The following GLIS3 variants were observed in gnomAD, a reference collection of about 807,000 sequenced individuals.
GLIS3 encodes the protein GLIS family zinc finger 3.
In GLIS3, 53 loss-of-function variants were observed where a neutral mutation model predicts 78.6. The ratio of observed to expected loss-of-function variants is 0.67; its 90% CI spans 0.54 to 0.85. The LOEUF is 0.85. Among genes scored for constraint, GLIS3 ranks in the 40% least tolerant of loss-of-function variants. GLIS3 has a pLI of 0.00. For synonymous variants in GLIS3, 684 were observed against 509.9 expected (o/e 1.34, Z -4.60); for missense variants, 1,703 against 1,231.1 (o/e 1.38, Z -5.74).
At position 3,893,751 on chromosome 9, in the gene GLIS3, G is replaced by C. The variant is rs139333589; in HGVS notation, c.2128+4940C>G. Reference sequence around the variant, plus strand: ...GGTGGTGTCACCTGGGAACTTGTTAGAACTGTCTGGCACAAATTCAGATTC... The same window carrying C: ...GGTGGTGTCACCTGGGAACTTGTTACAACTGTCTGGCACAAATTCAGATTC... On this transcript the variant is annotated intron_variant, in intron 7 of 10. Transcript: ENST00000381971. Among the ~76,000 whole-genome samples the C allele has an allele frequency of 1.2e-4, 18 of 152,348 alleles. No homozygotes were observed. In the East Asian group the frequency reaches 3.1e-3, roughly 26 times the overall value.
chr9:4,311,926 A>G (rs758086561), intron 2 of GLIS3, among the ~76,000 whole-genome samples: 1 of 148,326 alleles, frequency 6.7e-6, no homozygotes, highest in African/African-American at 2.4e-5. Flanking sequence ...AGTGGAAACT[A>G]CATGATGAGG....
chr9:4,323,698 A>G (rs1817567587), intron 2 of GLIS3, among the ~76,000 whole-genome samples: 1 of 152,190 alleles, frequency 6.6e-6, no homozygotes. Context: ...CCACCATAGC[A>G]GCCTCACATC....
chr9:4,451,972 C>G, the GLIS3 span, among the ~76,000 whole-genome samples: 2 of 151,960 alleles, frequency 1.3e-5, no homozygotes, highest in African/African-American at 4.8e-5. Flanking sequence ...AGCTTATCCA[C>G]CACAATCAAG....
intron 4 of GLIS3, among the ~76,000 whole-genome samples, chr9:3,972,949 T>C (rs1818495791): frequency 6.6e-6 from 1 of 152,162 alleles, no homozygotes; most frequent in Non-Finnish European, 1.5e-5. Context: ...ACTGCAAAGT[T>C]TGAGGGCAAA....
chr9:4,349,992 G>A (rs1817944083), upstream of GLIS3, among the ~76,000 whole-genome samples: 2 of 152,372 alleles, frequency 1.3e-5, no homozygotes, highest in African/African-American at 4.8e-5. Flanking sequence ...CTTCAGGAAT[G>A]TGAAAGAGAC....
chr9:4,171,065 T>C (rs1353182856), intron 2 of GLIS3, among the ~76,000 whole-genome samples: 1 of 152,220 alleles, frequency 6.6e-6, no homozygotes, highest in East Asian at 1.9e-4. Flanking sequence ...GCCACCCACA[T>C]ATATGGTGAA....
At chr9:3,931,464 G>C (rs1304324366) in intron 6 of GLIS3, among the ~76,000 whole-genome samples, 1 of 152,082 alleles carries the variant, frequency 6.6e-6, no homozygotes, top group Non-Finnish European at 1.5e-5. Flanking sequence ...CCTTAAATTT[G>C]TTATAAAGGG....
the GLIS3 span, among the ~76,000 whole-genome samples, chr9:4,481,349 T>C: frequency 6.6e-6 from 1 of 152,008 alleles, no homozygotes. Flanking sequence ...CCGGGTATGG[T>C]GGTGTGTGCC....
At chr9:3,939,131 G>T (rs1826062427) in intron 4 of GLIS3, among the ~76,000 whole-genome samples, 1 of 152,102 alleles carries the variant, frequency 6.6e-6, no homozygotes, top group Non-Finnish European at 1.5e-5. Context: ...AGCTCCCGGG[G>T]CACATACCCA....
intron 2 of GLIS3, among the ~76,000 whole-genome samples, chr9:4,219,012 C>G (rs1193849923): frequency 2.0e-5 from 3 of 152,190 alleles, no homozygotes; most frequent in African/African-American, 7.2e-5. Context: ...CCTATTATCT[C>G]CAGCATTGCC....
intron 9 of GLIS3, among the ~76,000 whole-genome samples, chr9:3,851,786 GA>G (rs1156458575): frequency 6.6e-6 from 1 of 152,126 alleles, no homozygotes; most frequent in Non-Finnish European, 1.5e-5. Context: ...TTTCCCCATG[GA>G]AAAATATAAA....
the GLIS3 span, among the ~76,000 whole-genome samples, chr9:4,382,958 T>C: frequency 6.6e-6 from 1 of 152,224 alleles, no homozygotes; most frequent in Non-Finnish European, 1.5e-5. Context: ...TGACCTTACC[T>C]GGATTCACCG....
chr9:4,215,502 T>C (rs1371093000), intron 2 of GLIS3, among the ~76,000 whole-genome samples: 2 of 152,178 alleles, frequency 1.3e-5, no homozygotes, highest in South Asian at 2.1e-4. Flanking sequence ...TTTGGTCTTA[T>C]TACAACTCTA....
At chr9:3,961,556 T>C (rs1817554706) in intron 4 of GLIS3, among the ~76,000 whole-genome samples, 1 of 152,130 alleles carries the variant, frequency 6.6e-6, no homozygotes, top group Non-Finnish European at 1.5e-5. Flanking sequence ...TATTCCAAAA[T>C]CAAGGTTGCC....
At chr9:4,231,572 G>C (rs890216912) in intron 2 of GLIS3, among the ~76,000 whole-genome samples, 1 of 152,064 alleles carries the variant, frequency 6.6e-6, no homozygotes, top group African/African-American at 2.4e-5. Flanking sequence ...CATTATGATG[G>C]AACAGAAAAA....
chr9:4,431,061 G>C, the GLIS3 span, among the ~76,000 whole-genome samples: 1 of 152,144 alleles, frequency 6.6e-6, no homozygotes, highest in Non-Finnish European at 1.5e-5. Context: ...CAAGTATATG[G>C]ATCAGAAATT....
At chr9:4,445,941 G>T in the GLIS3 span, among the ~76,000 whole-genome samples, 1 of 152,194 alleles carries the variant, frequency 6.6e-6, no homozygotes, top group South Asian at 2.1e-4. Flanking sequence ...CCATATCAGA[G>T]TATAGGCCCA....
intron 2 of GLIS3, among the ~76,000 whole-genome samples, chr9:4,173,599 C>T (rs1049709933): frequency 3.2e-5 from 3 of 94,592 alleles, no homozygotes; most frequent in East Asian, 3.5e-4. Flanking sequence ...CACACACACA[C>T]ACATATATAT....
At chr9:4,228,800 T>C (rs886937001) in intron 2 of GLIS3, among the ~76,000 whole-genome samples, 17 of 152,346 alleles carry the variant, frequency 1.1e-4, no homozygotes, top group African/African-American at 4.1e-4. Context: ...CCACCTATTG[T>C]TGAAAACACA....
Sources: gnomAD v4.1 joint callset for allele counts (sites outside exome capture counted in the v4.1 genomes callset) on GRCh38, gnomAD v4.1.1 for gene constraint, MANE v1.5 for transcripts, NCBI Gene and HGNC (gene_info 2026-07-23, HGNC 2026-07-21) for gene names.